The following DIAPH2 variants were observed in gnomAD, a reference collection of about 807,000 sequenced individuals.
The protein encoded by DIAPH2 is diaphanous related formin 2, also known as protein diaphanous homolog 2.
DIAPH2 carries 35 observed loss-of-function variants against 92.7 expected under a neutral mutation model. That is an observed-to-expected ratio of 0.38 (90% CI 0.29 to 0.50). DIAPH2 has a LOEUF of 0.50. Among genes scored for constraint, DIAPH2 ranks in the 20% least tolerant of loss-of-function variants. The pLI, the probability that DIAPH2 is intolerant of heterozygous loss-of-function variation, is 0.94. For synonymous variants in DIAPH2, 301 were observed against 280.4 expected (o/e 1.07, Z -0.73); for missense variants, 701 against 819.5 (o/e 0.86, Z 1.77).
chrX:96,963,768 T>C (rs1387216673), intron 16 of DIAPH2, among the ~76,000 whole-genome samples: 1 of 111,623 alleles, frequency 9.0e-6, no homozygotes, highest in Admixed American at 9.5e-5. Context: ...ACTCTCTTTT[T>C]TGGCCTTTTA....
intron 26 of DIAPH2, among the ~76,000 whole-genome samples, chrX:97,509,347 C>G (rs1408265809): frequency 9.3e-6 from 1 of 107,950 alleles, no homozygotes; most frequent in African/African-American, 3.4e-5. Flanking sequence ...GTGCCCAGCC[C>G]AAATTTATTT....
intron 1 of DIAPH2, among the ~76,000 whole-genome samples, chrX:96,723,992 C>T (rs373331607): frequency 1.0e-5 from 1 of 97,759 alleles, no homozygotes; most frequent in Non-Finnish European, 2.0e-5. Flanking sequence ...GGTGCGATCT[C>T]GGCTCACTGC....
chrX:97,213,044 C>T (rs2067853841), intron 22 of DIAPH2, among the ~76,000 whole-genome samples: 1 of 111,413 alleles, frequency 9.0e-6, no homozygotes. Flanking sequence ...GTTTGTGGAA[C>T]TTAGAATTGT....
chrX:97,204,833 A>G (rs2067782676), intron 22 of DIAPH2, among the ~76,000 whole-genome samples: 1 of 111,789 alleles, frequency 8.9e-6, no homozygotes, highest in South Asian at 3.8e-4. Flanking sequence ...TTTAAATTTC[A>G]TATGGAACCA....
rs765156871 is a variant in DIAPH2, at chrX:96,690,882, C to T, written c.132+5692C>T. ...AGTCACTGAAATGTTAAGAGGACTG[C>T]TTTAGAGATAAGTTTAAAAGCTACC... On this transcript the variant is annotated intron_variant, in intron 1 of 26. Transcript: ENST00000324765. Among the ~76,000 whole-genome samples the T allele has an allele frequency of 2.9e-4, 32 of 112,079 alleles. No individual in the cohort carries two copies. The South Asian group carries it at 5.2e-3, about 18-fold the overall frequency.
intron 1 of DIAPH2, among the ~76,000 whole-genome samples, chrX:96,702,016 C>T (rs1426524960): frequency 8.9e-6 from 1 of 112,049 alleles, no homozygotes; most frequent in Admixed American, 9.5e-5. Context: ...CTGTCTTCTT[C>T]TTACAAGTAA....
At chrX:97,194,385 C>T (rs181683004) in intron 22 of DIAPH2, among the ~76,000 whole-genome samples, 3 of 108,562 alleles carry the variant, frequency 2.8e-5, no homozygotes. Flanking sequence ...GGGTTCAAGC[C>T]ATTCTCCTGC....
intron 3 of DIAPH2, among the ~76,000 whole-genome samples, chrX:96,753,722 G>T (rs1382489026): frequency 8.9e-6 from 1 of 111,936 alleles, no homozygotes; most frequent in Non-Finnish European, 1.9e-5. Context: ...TAACAGAGTT[G>T]CAGAAACAGG....
At chrX:97,069,314 C>T (rs2066654125) in intron 17 of DIAPH2, among the ~76,000 whole-genome samples, 1 of 111,067 alleles carries the variant, frequency 9.0e-6, no homozygotes, top group Admixed American at 9.6e-5. Flanking sequence ...TAATATGATG[C>T]AACACATAAT....
intron 19 of DIAPH2, among the ~76,000 whole-genome samples, chrX:97,089,489 G>T (rs900492913): frequency 1.8e-5 from 2 of 111,654 alleles, no homozygotes; most frequent in African/African-American, 6.5e-5. Context: ...GATAAACTCT[G>T]CTCAACCAAC....
intron 23 of DIAPH2, among the ~76,000 whole-genome samples, chrX:97,305,824 CAAAAAAAAAA>C (rs754094514): frequency 2.0e-5 from 1 of 49,223 alleles, no homozygotes; most frequent in Non-Finnish European, 4.0e-5. Context: ...ACTCCTTCTC[CAAAAAAAAAA>C]AAAAAAAGAA....
chrX:96,792,172 T>C (rs2147638888), intron 4 of DIAPH2, among the ~76,000 whole-genome samples: 1 of 112,265 alleles, frequency 8.9e-6, no homozygotes, highest in South Asian at 3.7e-4. Context: ...ATGTTCCAAA[T>C]TGTGAAACAG....
intron 4 of DIAPH2, among the ~76,000 whole-genome samples, chrX:96,792,700 T>A (rs2064510021): frequency 8.9e-6 from 1 of 111,954 alleles, no homozygotes; most frequent in Admixed American, 9.5e-5. Context: ...TCAGATTAGA[T>A]TGAATATTCT....
chrX:97,052,377 A>AC (rs1453692587), intron 17 of DIAPH2, among the ~76,000 whole-genome samples: 1 of 111,159 alleles, frequency 9.0e-6, no homozygotes, highest in Non-Finnish European at 1.9e-5. Context: ...ATGTGGGTAG[A>AC]CTACAAGGTT....
At chrX:97,359,451 T>A (rs1424919609) in intron 24 of DIAPH2, among the ~76,000 whole-genome samples, 1 of 110,175 alleles carries the variant, frequency 9.1e-6, no homozygotes, top group African/African-American at 3.3e-5. Flanking sequence ...TATATGTGTG[T>A]GTGTGTGCGT....
chrX:96,999,215 A>G (rs148265589), intron 17 of DIAPH2, among the ~76,000 whole-genome samples: 4,403 of 111,344 alleles, frequency 0.04, 102 homozygotes, highest in Middle Eastern at 0.084. Flanking sequence ...GCTGGTAATT[A>G]AGAGTCTAAT....
chrX:97,227,037 G>T (rs1253941901), intron 22 of DIAPH2, among the ~76,000 whole-genome samples: 1 of 110,731 alleles, frequency 9.0e-6, no homozygotes, highest in South Asian at 3.9e-4. Context: ...TTGGGAGGCC[G>T]AGGCAGGTGG....
chrX:96,750,270 C>T (rs964194804), intron 3 of DIAPH2, among the ~76,000 whole-genome samples: 2 of 110,301 alleles, frequency 1.8e-5, no homozygotes, highest in African/African-American at 6.6e-5. Context: ...TCAGGTGATC[C>T]GCCCGCCTTG....
At chrX:96,732,662 C>T (rs1311608719) in intron 1 of DIAPH2, among the ~76,000 whole-genome samples, 4 of 111,776 alleles carry the variant, frequency 3.6e-5, no homozygotes, top group African/African-American at 1.3e-4. Flanking sequence ...TTCGGGTACT[C>T]TATCATTCTT....
Sources: gnomAD v4.1 joint callset for allele counts (sites outside exome capture counted in the v4.1 genomes callset) on GRCh38, gnomAD v4.1.1 for gene constraint, MANE v1.5 for transcripts, NCBI Gene and HGNC (gene_info 2026-07-23, HGNC 2026-07-21) for gene names.